ANO4: variants seen among roughly 807,000 people sequenced by gnomAD.
ANO4 encodes the protein anoctamin-4.
Under a neutral mutation model 141.9 loss-of-function variants are expected in ANO4, and 69 were observed. The observed-to-expected ratio is 0.49, with a 90% CI of 0.40 to 0.59. The LOEUF (loss-of-function observed/expected upper bound fraction) is 0.59, where lower values mean the gene tolerates loss of function less well. Among genes scored for constraint, ANO4 ranks in the 20% least tolerant of loss-of-function variants. ANO4 has a pLI of 0.00. For synonymous variants in ANO4, 350 were observed against 394.3 expected (o/e 0.89, Z 1.33); for missense variants, 894 against 1,162.2 (o/e 0.77, Z 3.36).
intron 5 of ANO4, among the ~76,000 whole-genome samples, chr12:100,960,268 A>ACACC (rs1319315908): frequency 6.6e-6 from 1 of 152,082 alleles, no homozygotes; most frequent in Non-Finnish European, 1.5e-5. Flanking sequence ...ACGCACACAC[A>ACACC]CACACACACC....
chr12:100,738,989 C>T (rs1774685550), intron 2 of ANO4, among the ~76,000 whole-genome samples: 1 of 148,176 alleles, frequency 6.7e-6, no homozygotes, highest in African/African-American at 2.5e-5. Context: ...AATCACCGGT[C>T]CACTCTTTGT....
intron 25 of ANO4, among the ~76,000 whole-genome samples, chr12:101,118,050 C>T (rs1026431044): frequency 6.6e-6 from 1 of 151,924 alleles, no homozygotes; most frequent in Non-Finnish European, 1.5e-5. Context: ...TAGTGCCGCT[C>T]TCTGTTGGGG....
At chr12:100,728,838 A>G (rs2031251622) in intron 1 of ANO4, among the ~76,000 whole-genome samples, 1 of 152,150 alleles carries the variant, frequency 6.6e-6, no homozygotes, top group South Asian at 2.1e-4. Context: ...ACTATAATAT[A>G]CATGTAGACA....
In ANO4 at chr12:100,921,329, C is replaced by T. The variant is rs578192906; in HGVS notation, c.56-897C>T. On this transcript the variant is annotated intron_variant, in intron 2 of 27. Transcript: ENST00000392977. ...TTATCTTATTCTTGAGCTTTAGGAACGTAACCGAAATTTTGTATAAGGCTG... is the reference window on the plus strand; with the variant it reads ...TTATCTTATTCTTGAGCTTTAGGAATGTAACCGAAATTTTGTATAAGGCTG... 5.3e-5 allele frequency among the ~76,000 whole-genome samples: 8 copies of T among 152,178 alleles called. No individual in the cohort carries two copies. In the East Asian group the frequency reaches 9.7e-4, roughly 18 times the overall value.
chr12:100,778,572 G>A (rs1367885401), intron 3 of ANO4, among the ~76,000 whole-genome samples: 1 of 152,154 alleles, frequency 6.6e-6, no homozygotes, highest in Non-Finnish European at 1.5e-5. Flanking sequence ...GCTGGAGGTT[G>A]TATGGGGTGG....
rs1028399444 is a variant in ANO4, at chr12:100,854,797, C to A, written c.-140-46849C>A. On this transcript the variant is annotated intron_variant, in intron 1 of 27. Coordinates refer to ENST00000392977, the MANE Select transcript of ANO4 (RefSeq NM_001286615.2). ...TCTGCTTAATCTTCCTCATCATGTT[C>A]CATTTCCTTTTGTGTTTCATAGCTT... Among the ~76,000 whole-genome samples the A allele has an allele frequency of 2.6e-5, 4 of 152,130 alleles. No individual in the cohort carries two copies. The East Asian group carries it at 7.7e-4, about 29-fold the overall frequency.
intron 1 of ANO4, chr12:100,859,091 T>C (rs1209676041): frequency 1.3e-5 from 2 of 152,194 alleles, no homozygotes; most frequent in Non-Finnish European, 2.9e-5. Flanking sequence ...TGTGGTAGTC[T>C]TTCAGGCTGT....
At chr12:100,948,265 G>A (rs985028958) in intron 5 of ANO4, among the ~76,000 whole-genome samples, 2 of 151,912 alleles carry the variant, frequency 1.3e-5, no homozygotes, top group Admixed American at 1.3e-4. Context: ...AATGAAGTTG[G>A]GTGCTGCCCA....
intron 9 of ANO4, among the ~76,000 whole-genome samples, chr12:101,036,304 T>TA (rs893341271): frequency 6.6e-6 from 1 of 152,052 alleles, no homozygotes; most frequent in African/African-American, 2.4e-5. Flanking sequence ...CTTTAAAAAA[T>TA]AAAAAATGAA....
rs144353177 is a variant in ANO4 at position 101,109,879 on chromosome 12, G to A, written c.2150-525G>A. On this transcript the variant is annotated intron_variant, in intron 22 of 27. Coordinates refer to ENST00000392977, the MANE Select transcript of ANO4 (RefSeq NM_001286615.2). ...TTTATTTATTTAATCACTTATTTAC[G>A]TAAGTATATATTTACATCAGTCTGG... 5.1e-4 allele frequency among the ~76,000 whole-genome samples: 77 copies of A among 152,110 alleles called. No homozygotes were observed. In the East Asian group the frequency reaches 7.2e-3, roughly 14 times the overall value.
At chr12:100,747,982 G>C (rs146388188) in intron 3 of ANO4, among the ~76,000 whole-genome samples, 1 of 152,300 alleles carries the variant, frequency 6.6e-6, no homozygotes, top group African/African-American at 2.4e-5. Flanking sequence ...TTCTGTTCCA[G>C]ATCACTTCCC....
intron 1 of ANO4, among the ~76,000 whole-genome samples, chr12:100,854,624 G>C (rs2038066936): frequency 6.6e-6 from 1 of 151,956 alleles, no homozygotes; most frequent in Admixed American, 6.6e-5. Context: ...TCTTTAGTTG[G>C]TGTCTTTTTT....
intron 8 of ANO4, among the ~76,000 whole-genome samples, chr12:101,018,294 G>A (rs902588026): frequency 3.9e-5 from 6 of 152,308 alleles, no homozygotes; most frequent in South Asian, 4.1e-4. Context: ...AATGTTTTCA[G>A]AGATAAATGT....
At chr12:100,732,017 G>A (rs1593239332) in intron 1 of ANO4, among the ~76,000 whole-genome samples, 1 of 152,264 alleles carries the variant, frequency 6.6e-6, no homozygotes, top group Admixed American at 6.5e-5. Context: ...CCAAGTTATA[G>A]CAATTATGAA....
chr12:100,853,715 A>G (rs758897622), intron 1 of ANO4, among the ~76,000 whole-genome samples: 4 of 152,260 alleles, frequency 2.6e-5, no homozygotes, highest in South Asian at 2.1e-4. Context: ...TTAACTTCCA[A>G]TGTTGACTGA....
At chr12:100,943,398 G>C (rs2042592726) in intron 5 of ANO4, among the ~76,000 whole-genome samples, 5 of 152,306 alleles carry the variant, frequency 3.3e-5, no homozygotes, top group Admixed American at 3.3e-4. Context: ...GTTTTTCTTT[G>C]TATGATACAG....
chr12:101,071,384 G>A (rs2048805325), intron 14 of ANO4, among the ~76,000 whole-genome samples: 1 of 151,408 alleles, frequency 6.6e-6, no homozygotes, highest in South Asian at 2.1e-4. Context: ...ACAACAACAT[G>A]GAGGGAACTG....
intron 1 of ANO4, among the ~76,000 whole-genome samples, chr12:100,718,841 C>T (rs1468642182): frequency 6.6e-6 from 1 of 152,192 alleles, no homozygotes; most frequent in Non-Finnish European, 1.5e-5. Context: ...ATTCAATATG[C>T]TGATGGCATT....
At chr12:100,900,579 G>A (rs2040550316) in intron 1 of ANO4, among the ~76,000 whole-genome samples, 1 of 151,774 alleles carries the variant, frequency 6.6e-6, no homozygotes, top group South Asian at 2.1e-4. Flanking sequence ...GTCAATGATA[G>A]ACTGGATTAA....
Sources: gnomAD v4.1 joint callset for allele counts (sites outside exome capture counted in the v4.1 genomes callset) on GRCh38, gnomAD v4.1.1 for gene constraint, MANE v1.5 for transcripts, NCBI Gene and HGNC (gene_info 2026-07-23, HGNC 2026-07-21) for gene names.